The following STEAP3 variants were observed in gnomAD, a reference collection of about 807,000 sequenced individuals.
STEAP3 encodes the protein STEAP3 metalloreductase.
In STEAP3, 35 loss-of-function variants were observed where a neutral mutation model predicts 34.9. The ratio of observed to expected loss-of-function variants is 1.00; its 90% CI spans 0.76 to 1.33. STEAP3 has a LOEUF of 1.33. STEAP3 is among the 40% of genes most tolerant of loss of function. The pLI is 0.00. For missense variants in STEAP3, 652 were observed against 667.6 expected (o/e 0.98, Z 0.26); for synonymous variants, 281 against 301.6 (o/e 0.93, Z 0.71).
Position 119,245,979 on chromosome 2 carries a change from T to G in STEAP3, c.513T>G (p.Gly171=), listed in dbSNP as rs1302823040. Residue 171 remains glycine, a synonymous_variant, in exon 3 of 6, where the codon GGT becomes GGG. Coordinates refer to ENST00000393110, the MANE Select transcript of STEAP3 (RefSeq NM_182915.3). The part of the protein sequence containing the change: ...AWTLQAGPRD[G]NRQVPICGDQ... The stretch of plus-strand genomic sequence containing the variant: ...CCCTGCAGGCTGGCCCAAGGGATGG[T>G]AACAGGCAGGTAGGTTCTGGGGGAA... 1.2e-6 allele frequency: 2 copies of G among 1,611,784 alleles called. No individual in the cohort carries two copies. The highest frequency in any genetic ancestry group is 1.7e-6 in the Non-Finnish European group (2 of 1,178,672).
rs1480357364 is a variant in STEAP3, at chr2:119,239,463, T to TAC, written c.23-6026_23-6025insAC. ...TTGTATTTTTAGTAGAGATGGGGTA[T>TAC]CACCATGTTGGCCAGGCTGTGTGCA... On this transcript the variant is annotated intron_variant, in intron 2 of 5. Transcript: ENST00000393110. The TAC allele has an allele frequency of 3.9e-5, 6 of 152,190 alleles. No homozygotes were observed. In the East Asian group the frequency reaches 9.7e-4, roughly 25 times the overall value. The allele number at this position is 152,190 out of a possible 1,614,324, so 9.4% of individuals were successfully genotyped here.
rs542750318 is a variant in STEAP3 at position 119,252,634 on chromosome 2, T to C, written c.1051-2050T>C. ...TCTCTAAACATAGAGACTTACTTACTAGGGGAGCTGTTACATCTGCGTTCC... is the reference window on the plus strand; with the variant it reads ...TCTCTAAACATAGAGACTTACTTACCAGGGGAGCTGTTACATCTGCGTTCC... On this transcript the variant is annotated intron_variant, in intron 4 of 5. Transcript: ENST00000393110. Among the ~76,000 whole-genome samples, 10 of 152,222 alleles carry C rather than the reference T, an allele frequency of 6.6e-5. No individual in the cohort carries two copies. The East Asian group carries it at 1.5e-3, about 24-fold the overall frequency.
rs1374125190 is a variant in STEAP3 at position 119,235,996 on chromosome 2, CCTT to C, written c.22+4970_22+4972del. On this transcript the variant is annotated intron_variant, in intron 2 of 5. Coordinates refer to ENST00000393110, the MANE Select transcript of STEAP3 (RefSeq NM_182915.3). ...CCAGATCTTCTGCTCTGCTCTTCCCCCTTCTTCTTCCCACTCCCAAGTCCCAAA... is the reference window on the plus strand; with the variant it reads ...CCAGATCTTCTGCTCTGCTCTTCCCCCTTCTTCCCACTCCCAAGTCCCAAA... 2.6e-5 allele frequency among the ~76,000 whole-genome samples: 4 copies of C among 152,324 alleles called. No homozygotes were observed. In the South Asian group the frequency reaches 6.2e-4, roughly 24 times the overall value.
chr2:119,229,873 T>C (rs1207081759), intron 1 of STEAP3, among the ~76,000 whole-genome samples: 2 of 152,002 alleles, frequency 1.3e-5, no homozygotes, highest in African/African-American at 4.8e-5. Context: ...TACAGGCCTG[T>C]GTTAGACTCC....
intron 5 of STEAP3, among the ~76,000 whole-genome samples, chr2:119,258,959 T>C (rs1677864069): frequency 6.8e-6 from 1 of 146,562 alleles, no homozygotes; most frequent in South Asian, 2.3e-4. Context: ...TTGGTTTGGT[T>C]TGGGTTGTGC....
intron 5 of STEAP3, among the ~76,000 whole-genome samples, chr2:119,256,496 A>C (rs2104842573): frequency 6.6e-6 from 1 of 152,192 alleles, no homozygotes; most frequent in Non-Finnish European, 1.5e-5. Flanking sequence ...CCGCTCCCTT[A>C]AGCAGCCATA....
intron 5 of STEAP3, among the ~76,000 whole-genome samples, chr2:119,261,535 C>T (rs1677942522): frequency 2.0e-5 from 3 of 152,174 alleles, no homozygotes; most frequent in South Asian, 2.1e-4. Flanking sequence ...CCCTCGCTCT[C>T]GGTGCCCTCT....
At chr2:119,241,341 C>T (rs924496586) in intron 2 of STEAP3, among the ~76,000 whole-genome samples, 1 of 152,184 alleles carries the variant, frequency 6.6e-6, no homozygotes, top group African/African-American at 2.4e-5. Flanking sequence ...CTGCCTGACC[C>T]CTCCCAGCCA....
At chr2:119,247,230 G>T (rs1021352940) in intron 3 of STEAP3, among the ~76,000 whole-genome samples, 7 of 152,168 alleles carry the variant, frequency 4.6e-5, no homozygotes, top group Middle Eastern at 3.2e-3. Context: ...ATCATCAAGG[G>T]GGGTGATTCT....
chr2:119,246,480 A>T, intron 3 of STEAP3: 1 of 163,320 alleles, frequency 6.1e-6, no homozygotes, highest in Admixed American at 5.6e-5. Context: ...TAATGGCTCC[A>T]CGGAACAGCT....
At chr2:119,252,439 C>T (rs1473285250) in intron 4 of STEAP3, among the ~76,000 whole-genome samples, 1 of 152,228 alleles carries the variant, frequency 6.6e-6, no homozygotes, top group East Asian at 1.9e-4. Context: ...TCTTCCCATC[C>T]ATCACCCACT....
intron 2 of STEAP3, among the ~76,000 whole-genome samples, chr2:119,234,259 G>A (rs1677027623): frequency 6.6e-6 from 1 of 152,220 alleles, no homozygotes; most frequent in Admixed American, 6.5e-5. Context: ...CAAGGGGAGG[G>A]GTGGGGGCAG....
intron 2 of STEAP3, among the ~76,000 whole-genome samples, chr2:119,233,615 T>A (rs1404563550): frequency 2.6e-5 from 4 of 152,218 alleles, no homozygotes; most frequent in African/African-American, 9.6e-5. Flanking sequence ...GCACTTACTG[T>A]GTGCTAGGCC....
intron 2 of STEAP3, 79 bp from the exon 3 acceptor site, chr2:119,245,410 C>T: frequency 6.0e-6 from 9 of 1,510,790 alleles, no homozygotes; most frequent in East Asian, 2.3e-5. Context: ...CGTGTAGTTA[C>T]GATGTATAAG....
intron 5 of STEAP3, among the ~76,000 whole-genome samples, chr2:119,260,396 T>G (rs1677906417): frequency 6.6e-6 from 1 of 151,032 alleles, no homozygotes; most frequent in East Asian, 2.0e-4. Context: ...CACTGCAACA[T>G]CCACCTCCTG....
chr2:119,226,082 C>A (rs557793955), intron 1 of STEAP3, among the ~76,000 whole-genome samples: 2 of 152,254 alleles, frequency 1.3e-5, no homozygotes, highest in Non-Finnish European at 2.9e-5. Context: ...TGTGGCAGAG[C>A]TGGCCTTGGC....
intron 4 of STEAP3, among the ~76,000 whole-genome samples, chr2:119,250,139 G>A (rs1006674516): frequency 1.3e-5 from 2 of 152,230 alleles, no homozygotes; most frequent in Admixed American, 1.3e-4. Context: ...TACCCACGCT[G>A]CTTTCTACAG....
At chr2:119,249,684 T>C (rs1381935337) in intron 4 of STEAP3, among the ~76,000 whole-genome samples, 1 of 152,136 alleles carries the variant, frequency 6.6e-6, no homozygotes, top group African/African-American at 2.4e-5. Context: ...GCTGGGCACC[T>C]CCTGAGAACC....
At chr2:119,248,414 C>T in intron 4 of STEAP3, 1 of 616,248 alleles carries the variant, frequency 1.6e-6, no homozygotes, top group South Asian at 2.2e-5. Flanking sequence ...ATTCCTGCCC[C>T]CATGGGTACA....
Sources: gnomAD v4.1 joint callset for allele counts (sites outside exome capture counted in the v4.1 genomes callset) on GRCh38, gnomAD v4.1.1 for gene constraint, MANE v1.5 for transcripts, NCBI Gene and HGNC (gene_info 2026-07-23, HGNC 2026-07-21) for gene names.